Variants in SIPA1 observed in about 807,000 individuals in gnomAD.
SIPA1 encodes the protein signal-induced proliferation-associated protein 1.
In SIPA1, 51 loss-of-function variants were observed where a neutral mutation model predicts 88.1. The ratio of observed to expected loss-of-function variants is 0.58; its 90% CI spans 0.46 to 0.73. The LOEUF (loss-of-function observed/expected upper bound fraction) is 0.73. Among genes scored for constraint, SIPA1 ranks in the 30% least tolerant of loss-of-function variants. The pLI is 0.00. For synonymous variants in SIPA1, 681 were observed against 664.8 expected, an observed-to-expected ratio of 1.02 and a Z score of -0.37; for missense variants, 1,348 against 1,467.6, an observed-to-expected ratio of 0.92 and a Z score of 1.33.
At chr11:65,643,513 T>C (rs1196489763) in intron 4 of SIPA1, among the ~76,000 whole-genome samples, 1 of 152,202 alleles carries the variant, frequency 6.6e-6, no homozygotes, top group Non-Finnish European at 1.5e-5. Flanking sequence ...GGGACAGGTC[T>C]AGACCAGGTG....
Position 65,642,775 on chromosome 11 carries a change from A to G in SIPA1, c.984+136A>G. On this transcript the variant is annotated intron_variant, in intron 4 of 15. Coordinates refer to ENST00000534313, the MANE Select transcript of SIPA1 (RefSeq NM_006747.4). This position sits in a 1 kb window ranked among gnomAD's most constrained non-coding sequence, Gnocchi z 6.5. Reference sequence around the variant, plus strand: ...CCCCAGAAGAGCTGGCTTTTCAGAGACAGGGCATCAGAGTTCATCTGGAGC... The same window carrying G: ...CCCCAGAAGAGCTGGCTTTTCAGAGGCAGGGCATCAGAGTTCATCTGGAGC... The G allele has an allele frequency of 1.3e-6, 1 of 787,854 alleles. No individual in the cohort carries two copies. The highest frequency in any genetic ancestry group is 1.9e-6 in the Non-Finnish European group (1 of 521,790). The allele number at this position is 787,854 out of a possible 1,614,324, so 48.8% of individuals were successfully genotyped here.
In SIPA1 at chr11:65,650,652, T is replaced by C. The variant is rs368099696; in HGVS notation, c.3066T>C (p.Ser1022=). The part of the protein sequence containing the change: ...NNRRLQAESE[S]AATRLLLASK... ...GGCGGCTGCAGGCGGAGTCTGAGAGTGCAGCCACACGCCTCCTCCTGGCCT... is the reference window on the plus strand; with the variant it reads ...GGCGGCTGCAGGCGGAGTCTGAGAGCGCAGCCACACGCCTCCTCCTGGCCT... Residue 1022 remains serine, a synonymous_variant, in exon 16 of 16, where the codon AGT becomes AGC. Transcript: ENST00000534313. 53 of 1,573,720 alleles carry C rather than the reference T, an allele frequency of 3.4e-5. No homozygotes were observed. The African/African-American group carries it at 6.5e-4, about 19-fold the overall frequency.
chr11:65,642,501 G>C lies in SIPA1; in HGVS notation c.846G>C (p.Leu282=). 2 of 1,610,532 alleles carry C rather than the reference G, an allele frequency of 1.2e-6. No individual in the cohort carries two copies. Among genetic ancestry groups the C allele is most frequent in the Non-Finnish European group, 1.7e-6 (2 of 1,179,486 alleles). The change falls in exon 4 of 16, where the codon CTG becomes CTC. Residue 282 remains leucine (L), a synonymous_variant. Coordinates refer to ENST00000534313, the MANE Select transcript of SIPA1 (RefSeq NM_006747.4). This position sits in a 1 kb window ranked among gnomAD's most constrained non-coding sequence, Gnocchi z 6.5. ...GTGGCACCATCTCGGAGGACGCGCT[G>C]CCGCCGGGGCCCCCACGGGGTCTGT... ...TLRGTISEDA[L]PPGPPRGLSP...
At position 65,649,671 on chromosome 11, in the gene SIPA1, A is replaced by T. The variant is rs747435180; in HGVS notation, c.2636A>T (p.Gln879Leu). ...PSADSETPLT[Q>L]DRPGSPSGSE... ...GCTGACAGTGAGACACCCCTGACCCAGGTGAGCAGAAACCAGGCTCTGGAG... is the reference window on the plus strand; with the variant it reads ...GCTGACAGTGAGACACCCCTGACCCTGGTGAGCAGAAACCAGGCTCTGGAG... Residue 879 changes from glutamine to leucine, a missense_variant and splice_region_variant, in exon 11 of 16, where the codon CAG (glutamine) becomes CTG (leucine). Gln to Leu is a moderately radical substitution (Grantham distance 113, BLOSUM62 -2). Coordinates refer to ENST00000534313, the MANE Select transcript of SIPA1 (RefSeq NM_006747.4). The T allele has an allele frequency of 5.3e-5, 85 of 1,613,962 alleles. No individual in the cohort carries two copies. Among genetic ancestry groups the T allele is most frequent in the Non-Finnish European group, 7.1e-5 (84 of 1,180,046 alleles).
chr11:65,649,218 C>G, intron 9 of SIPA1, 44 bp from the exon 10 acceptor site: 2 of 1,381,316 alleles, frequency 1.4e-6, no homozygotes, highest in East Asian at 2.5e-5. Flanking sequence ...ATGCAGGACG[C>G]TGGGGACTGG....
Position 65,650,417 on chromosome 11 carries a change from C to G in SIPA1, c.2920C>G (p.Leu974Val), listed in dbSNP as rs1856241364. ...KSDAEPEPGN[L>V]SEKVSHLESM... ...TGTCTTCAGGCCAGAGCCTGGGAAC[C>G]TCTCAGAGAAGGTCTCTCACTTGGA... is the stretch of plus-strand genomic sequence containing the variant. The change falls in exon 15 of 16, where the codon CTC becomes GTC. Residue 974 changes from leucine (L) to valine (V), a missense_variant. Around this residue, in one of 4 missense-constraint regions of SIPA1, gnomAD observed 615 missense variants for 559.8 expected, o/e 1.10. Coordinates refer to ENST00000534313, the MANE Select transcript of SIPA1 (RefSeq NM_006747.4). 1 of 1,613,982 alleles carries G rather than the reference C, an allele frequency of 6.2e-7. No homozygotes were observed. The highest frequency in any genetic ancestry group is 8.5e-7 in the Non-Finnish European group (1 of 1,180,018).
In SIPA1 at chr11:65,649,690, T is replaced by G. The variant is rs755711670; in HGVS notation, c.2637+18T>G. 8.7e-6 allele frequency: 14 copies of G among 1,613,958 alleles called. No homozygotes were observed. In the South Asian group the frequency reaches 1.5e-4, roughly 18 times the overall value. On this transcript the variant is annotated intron_variant, in intron 11 of 15. Coordinates refer to ENST00000534313, the MANE Select transcript of SIPA1 (RefSeq NM_006747.4). ...TGACCCAGGTGAGCAGAAACCAGGC[T>G]CTGGAGCCCAACAGCACAGTGGTGA...
At position 65,647,321 on chromosome 11, in the gene SIPA1, G is replaced by T. The variant is rs1346095148; in HGVS notation, c.2032-63G>T. On this transcript the variant is annotated intron_variant, in intron 8 of 15. Coordinates refer to ENST00000534313, the MANE Select transcript of SIPA1 (RefSeq NM_006747.4). ...GTGTGGCCTGGGACGCAGTCCAGGG[G>T]GCGGGCGCTGGGGCGGCCCCACCTC... The T allele has an allele frequency of 8.0e-6, 11 of 1,369,782 alleles. No individual in the cohort carries two copies. In the African/African-American group the frequency reaches 1.2e-4, roughly 15 times the overall value. The allele number at this position is 1,369,782 out of a possible 1,614,324, so 84.9% of individuals were successfully genotyped here. A position where few individuals can be genotyped will look rare whatever the true frequency, so the allele number is the denominator to read the frequency against.
At chr11:65,644,061 G>C (rs995704913) in intron 4 of SIPA1, among the ~76,000 whole-genome samples, 1 of 152,118 alleles carries the variant, frequency 6.6e-6, no homozygotes, top group African/African-American at 2.4e-5. Flanking sequence ...ACTGGAAGGG[G>C]TGAAGTGCTA....
At chr11:65,639,737 T>A (rs1236558824) in intron 1 of SIPA1, 2 of 152,296 alleles carry the variant, frequency 1.3e-5, no homozygotes, top group East Asian at 3.8e-4. Context: ...TGCACCTGCC[T>A]CTGGCGTCAC....
chr11:65,650,158 G>C lies in SIPA1; in HGVS notation c.2869G>C (p.Gly957Arg). ...CACAGGACAGCCCATCCCAGAGAGT[G>C]GAGACCCTAAGGGAACTCCAAAATC... ...SREGQPIPES[G>R]DPKGTPKSDA... The change falls in exon 14 of 16, where the codon GGA (glycine) becomes CGA (arginine). Residue 957 changes from glycine (G) to arginine (R), a missense_variant. Physicochemically the swap from Gly to Arg is moderately radical, Grantham distance 125. This residue lies in a region of SIPA1 where 615 missense variants were observed against 559.8 expected (regional missense o/e 1.10). Transcript: ENST00000534313. 6.2e-7 allele frequency: 1 copy of C among 1,614,072 alleles called. No individual in the cohort carries two copies. The highest frequency in any genetic ancestry group is 1.3e-5 in the African/African-American group (1 of 75,008).
intron 8 of SIPA1, 149 bp from the exon 9 acceptor site, chr11:65,647,235 C>A (rs1856142747): frequency 7.2e-7 from 1 of 1,386,286 alleles, no homozygotes; most frequent in South Asian, 1.6e-5. Flanking sequence ...GGGTAAGCGA[C>A]TTCTGGTCTT....
chr11:65,642,103 G>C lies in SIPA1; in HGVS notation c.680-147G>C. 8.6e-7 allele frequency: 1 copy of C among 1,159,592 alleles called. No homozygotes were observed. The highest frequency in any genetic ancestry group is 2.7e-5 in the East Asian group (1 of 36,754). 71.8% of individuals were successfully genotyped at this position (1,159,592 alleles called of 1,614,324 possible). Reference sequence around the variant, plus strand: ...GGGTTGAGATCAAGATATTGAGCTCGGGGCTACAGAGGGGCGGGACTTAGT... The same window carrying C: ...GGGTTGAGATCAAGATATTGAGCTCCGGGCTACAGAGGGGCGGGACTTAGT... On this transcript the variant is annotated intron_variant, in intron 2 of 15. Coordinates refer to ENST00000534313, the MANE Select transcript of SIPA1 (RefSeq NM_006747.4). This position sits in a 1 kb window ranked among gnomAD's most constrained non-coding sequence, Gnocchi z 6.5.
rs1434146219 is a variant in SIPA1, at chr11:65,642,103, G to A, written c.680-147G>A. ...GGGTTGAGATCAAGATATTGAGCTC[G>A]GGGCTACAGAGGGGCGGGACTTAGT... On this transcript the variant is annotated intron_variant, in intron 2 of 15. Coordinates refer to ENST00000534313, the MANE Select transcript of SIPA1 (RefSeq NM_006747.4). The surrounding 1 kb of genome is among the most constrained non-coding windows in gnomAD (Gnocchi z 6.5). 3 of 1,159,474 alleles carry A rather than the reference G, an allele frequency of 2.6e-6. No homozygotes were observed. The highest frequency in any genetic ancestry group is 2.9e-5 in the Admixed American group (1 of 34,538). The allele number at this position is 1,159,474 out of a possible 1,614,324, so 71.8% of individuals were successfully genotyped here.
At chr11:65,644,798 G>A (rs1166455217) in intron 4 of SIPA1, among the ~76,000 whole-genome samples, 157 bp from the exon 5 acceptor site, 1 of 152,054 alleles carries the variant, frequency 6.6e-6, no homozygotes, top group African/African-American at 2.4e-5. Flanking sequence ...CAAGCACGAG[G>A]AGCACAACAG....
Position 65,641,701 on chromosome 11 carries a change from G to C in SIPA1, c.679+101G>C, listed in dbSNP as rs1203738623. On this transcript the variant is annotated intron_variant, in intron 2 of 15. Coordinates refer to ENST00000534313, the MANE Select transcript of SIPA1 (RefSeq NM_006747.4). ...AGGGCTCATGAACTGTCCATTTCCT[G>C]TAAAGTCCCTGGCCCTGGGAGGGCT... 2.6e-6 allele frequency: 3 copies of C among 1,134,336 alleles called. No individual in the cohort carries two copies. In the African/African-American group the frequency reaches 4.7e-5, roughly 18 times the overall value. 70.3% of individuals were successfully genotyped at this position (1,134,336 alleles called of 1,614,324 possible). A position where few individuals can be genotyped will look rare whatever the true frequency, so the allele number is the denominator to read the frequency against.
intron 8 of SIPA1, 87 bp downstream of exon 8, chr11:65,647,152 A>G: frequency 1.4e-6 from 2 of 1,409,776 alleles, no homozygotes; most frequent in Non-Finnish European, 1.8e-6. Context: ...TTTGTCCCCT[A>G]CTCCTGCGGA....
At chr11:65,645,480 C>T (rs1213667819) in intron 5 of SIPA1, among the ~76,000 whole-genome samples, 1 of 152,074 alleles carries the variant, frequency 6.6e-6, no homozygotes, top group Non-Finnish European at 1.5e-5. Context: ...GTACTGAGCA[C>T]CCCCTGCCTG....
chr11:65,645,701 A>G, intron 5 of SIPA1, 153 bp from the exon 6 acceptor site: 1 of 574,352 alleles, frequency 1.7e-6, no homozygotes, highest in Non-Finnish European at 3.1e-6. Context: ...AGGCCCTTGA[A>G]TCTCGCTGGC....
Sources: gnomAD v4.1 joint callset for allele counts (sites outside exome capture counted in the v4.1 genomes callset) on GRCh38, gnomAD v4.1.1 for gene constraint, gnomAD v4.1.1 regional missense constraint, Gnocchi (gnomAD v3.1) non-coding constraint, MANE v1.5 for transcripts, NCBI Gene and HGNC (gene_info 2026-07-23, HGNC 2026-07-21) for gene names.